The following MATCAP2 variants were observed in gnomAD, a reference collection of about 807,000 sequenced individuals.
MATCAP2 encodes microtubule associated tyrosine carboxypeptidase 2.
chr7:36,353,623 G>A, the MATCAP2 span, among the ~76,000 whole-genome samples: 1 of 151,778 alleles, frequency 6.6e-6, no homozygotes, highest in Non-Finnish European at 1.5e-5. Context: ...TGGGACTACA[G>A]GCGCCCACCA....
the MATCAP2 span, among the ~76,000 whole-genome samples, chr7:36,350,691 G>A: frequency 1.3e-5 from 2 of 152,188 alleles, no homozygotes; most frequent in African/African-American, 2.4e-5. Context: ...ACAGGCATGC[G>A]CCACCATGCC....
the MATCAP2 span, among the ~76,000 whole-genome samples, chr7:36,374,976 T>C: frequency 2.2e-3 from 328 of 152,340 alleles, 2 homozygotes; most frequent in African/African-American, 7.5e-3. Flanking sequence ...CCTTTGCTAT[T>C]GTGAATAGTG....
chr7:36,360,817 C>T, the MATCAP2 span, among the ~76,000 whole-genome samples: 1 of 152,090 alleles, frequency 6.6e-6, no homozygotes, highest in Admixed American at 6.5e-5. Context: ...AATCCTTTTT[C>T]CTGAAAAATT....
chr7:36,361,002 TTTG>T, the MATCAP2 span, among the ~76,000 whole-genome samples: 3 of 152,176 alleles, frequency 2.0e-5, no homozygotes, highest in Non-Finnish European at 4.4e-5. Context: ...ATGAAAATAA[TTTG>T]TTGATAGAAG....
the MATCAP2 span, chr7:36,326,813 T>C: frequency 6.2e-7 from 1 of 1,614,066 alleles, no homozygotes. Context: ...TCCATGATCT[T>C]CTCTAAGTGT....
the MATCAP2 span, chr7:36,356,601 T>C: frequency 1.9e-6 from 1 of 530,868 alleles, no homozygotes; most frequent in Non-Finnish European, 3.3e-6. Context: ...GCGGCTAAAT[T>C]GGCCACAAGT....
At chr7:36,366,818 G>T in the MATCAP2 span, 2 of 1,521,924 alleles carry the variant, frequency 1.3e-6, no homozygotes. Context: ...AGTCCCGAGC[G>T]GCGCGCCCAG....
At chr7:36,330,889 A>G in the MATCAP2 span, 3 of 706,080 alleles carry the variant, frequency 4.2e-6, no homozygotes, top group South Asian at 4.6e-5. Flanking sequence ...AACTAAAAAT[A>G]CTGTGAAGCT....
chr7:36,371,626 G>A, the MATCAP2 span, among the ~76,000 whole-genome samples: 1 of 152,170 alleles, frequency 6.6e-6, no homozygotes, highest in Non-Finnish European at 1.5e-5. Flanking sequence ...GGAGAAGTTT[G>A]ATCATTTACC....
the MATCAP2 span, among the ~76,000 whole-genome samples, chr7:36,379,847 C>CACACACAGAGAG: frequency 9.3e-6 from 1 of 107,604 alleles, no homozygotes; most frequent in African/African-American, 3.8e-5. Context: ...CACACACACA[C>CACACACAGAGAG]AGAGAGAGAG....
chr7:36,330,260 A>AT, the MATCAP2 span, among the ~76,000 whole-genome samples: 3 of 151,450 alleles, frequency 2.0e-5, no homozygotes, highest in Admixed American at 1.3e-4. Context: ...ACTTTTTAAA[A>AT]TTTTTTATAA....
chr7:36,329,921 G>A, the MATCAP2 span, among the ~76,000 whole-genome samples: 2 of 152,098 alleles, frequency 1.3e-5, no homozygotes, highest in African/African-American at 2.4e-5. Context: ...CTAATGTGAT[G>A]CAATGGGAAA....
At chr7:36,359,131 A>C in the MATCAP2 span, among the ~76,000 whole-genome samples, 1 of 152,240 alleles carries the variant, frequency 6.6e-6, no homozygotes, top group Non-Finnish European at 1.5e-5. Context: ...ATATGAGATA[A>C]CTGCAGACCT....
the MATCAP2 span, among the ~76,000 whole-genome samples, chr7:36,335,591 T>A: frequency 6.6e-6 from 1 of 152,228 alleles, no homozygotes; most frequent in Non-Finnish European, 1.5e-5. Context: ...AATCTCTTCA[T>A]TAGCAATTTT....
chr7:36,367,324 G>C, the MATCAP2 span: 2 of 1,005,156 alleles, frequency 2.0e-6, no homozygotes, highest in Non-Finnish European at 2.4e-6. Context: ...CGCGGGCGGC[G>C]AGAGAGAGTG....
At chr7:36,326,788 G>A in the MATCAP2 span, 3 of 1,613,316 alleles carry the variant, frequency 1.9e-6, no homozygotes, top group African/African-American at 4.0e-5. Flanking sequence ...TTCCCTGTCA[G>A]TCAGTTCATT....
the MATCAP2 span, among the ~76,000 whole-genome samples, chr7:36,361,737 G>GAACA: frequency 2.0e-5 from 3 of 151,820 alleles, no homozygotes; most frequent in Non-Finnish European, 2.9e-5. Context: ...AAAAACAAAT[G>GAACA]AACAAACAAA....
At chr7:36,337,468 A>G in the MATCAP2 span, among the ~76,000 whole-genome samples, 1,806 of 152,256 alleles carry the variant, frequency 0.012, 37 homozygotes, top group African/African-American at 0.042. Context: ...ATTCAACTCT[A>G]TCTTACATGA....
chr7:36,343,711 G>A, the MATCAP2 span, among the ~76,000 whole-genome samples: 5 of 150,092 alleles, frequency 3.3e-5, no homozygotes, highest in African/African-American at 1.2e-4. Flanking sequence ...AGAAAGAAAA[G>A]GAAAGAAAAT....
Sources: allele counts gnomAD v4.1 joint callset (sites outside exome capture counted in the v4.1 genomes callset), GRCh38; gene constraint gnomAD v4.1.1; transcripts MANE v1.5; gene names NCBI Gene and HGNC (gene_info 2026-07-23, HGNC 2026-07-21).